Variants in MSRA observed in about 807,000 individuals in gnomAD.
The protein encoded by MSRA is methionine sulfoxide reductase A.
In MSRA, 54 loss-of-function variants were observed where a neutral mutation model predicts 31.3. That is an observed-to-expected ratio of 1.73 (90% CI 1.39 to 2.17). The LOEUF (loss-of-function observed/expected upper bound fraction) is 2.17. Ranked by LOEUF, MSRA falls within the 30% of genes most tolerant of loss-of-function variation. The pLI is 0.00. For synonymous variants in MSRA, 169 were observed against 116.5 expected (o/e 1.45, Z -2.90); for missense variants, 507 against 300.9 (o/e 1.69, Z -5.07).
At chr8:10,304,818 A>G (rs775200957) in intron 4 of MSRA, among the ~76,000 whole-genome samples, 1 of 152,222 alleles carries the variant, frequency 6.6e-6, no homozygotes, top group Non-Finnish European at 1.5e-5. Flanking sequence ...GAAAATGGAC[A>G]TTTTGAAAGA....
At chr8:10,350,571 A>C (rs1804065613) in intron 5 of MSRA, among the ~76,000 whole-genome samples, 2 of 152,230 alleles carry the variant, frequency 1.3e-5, no homozygotes, top group Admixed American at 1.3e-4. Flanking sequence ...ACCGAATTGG[A>C]ACTCACTGGT....
At chr8:10,373,786 G>C (rs1176685471) in intron 5 of MSRA, among the ~76,000 whole-genome samples, 2 of 152,264 alleles carry the variant, frequency 1.3e-5, no homozygotes, top group Non-Finnish European at 2.9e-5. Flanking sequence ...CCGCACTTTG[G>C]AGCCCAGCAG....
In MSRA at chr8:10,163,175, C is replaced by G. The variant is rs537713821; in HGVS notation, c.143-44658C>G. Among the ~76,000 whole-genome samples the G allele has an allele frequency of 3.5e-4, 53 of 152,278 alleles. No homozygotes were observed. In the East Asian group the frequency reaches 9.5e-3, roughly 27 times the overall value. ...AGCCTGACCATGCTGGCACCTTGAT[C>G]TTGGACTTCCAGCCTCAGAACCATG... On this transcript the variant is annotated intron_variant, in intron 1 of 5. Transcript: ENST00000317173.
chr8:10,299,742 A>T (rs1465219146), intron 3 of MSRA, among the ~76,000 whole-genome samples: 1 of 152,202 alleles, frequency 6.6e-6, no homozygotes, highest in Non-Finnish European at 1.5e-5. Context: ...AAATGTTGTA[A>T]TGGTGACTGA....
intron 5 of MSRA, among the ~76,000 whole-genome samples, chr8:10,391,039 A>T (rs915510378): frequency 3.3e-5 from 5 of 152,032 alleles, no homozygotes; most frequent in African/African-American, 1.2e-4. Flanking sequence ...AAACCTACCT[A>T]TTCTCAAATG....
intron 3 of MSRA, among the ~76,000 whole-genome samples, chr8:10,264,748 G>C (rs957215472): frequency 2.0e-5 from 3 of 152,324 alleles, no homozygotes; most frequent in African/African-American, 7.2e-5. Flanking sequence ...CTTGATGAAT[G>C]GGCGAGGGAG....
At chr8:10,123,539 A>C (rs1040739464) in intron 1 of MSRA, among the ~76,000 whole-genome samples, 1 of 151,858 alleles carries the variant, frequency 6.6e-6, no homozygotes, top group African/African-American at 2.4e-5. Flanking sequence ...CCATTTGTCA[A>C]TTTTTTTCTT....
At chr8:10,347,917 C>T (rs1803885908) in intron 5 of MSRA, among the ~76,000 whole-genome samples, 1 of 152,218 alleles carries the variant, frequency 6.6e-6, no homozygotes, top group African/African-American at 2.4e-5. Context: ...CTACGCTGTG[C>T]TGTAGTGATC....
chr8:10,081,690 A>G (rs77433974), intron 1 of MSRA, among the ~76,000 whole-genome samples: 3 of 152,104 alleles, frequency 2.0e-5, no homozygotes, highest in Non-Finnish European at 4.4e-5. Flanking sequence ...GGGTTTCACC[A>G]TATTGGCCAG....
chr8:10,152,541 G>C (rs987481661), intron 1 of MSRA, among the ~76,000 whole-genome samples: 1 of 152,142 alleles, frequency 6.6e-6, no homozygotes, highest in Admixed American at 6.5e-5. Flanking sequence ...AGCTAAATCA[G>C]GTCTTGGGTA....
chr8:10,309,393 G>T (rs1033485041), intron 4 of MSRA, among the ~76,000 whole-genome samples: 1 of 152,226 alleles, frequency 6.6e-6, no homozygotes, highest in Admixed American at 6.5e-5. Context: ...CATGCCGCCT[G>T]TGGAAGGGCC....
At chr8:10,252,115 T>C (rs6988826) in intron 3 of MSRA, among the ~76,000 whole-genome samples, 38,893 of 152,204 alleles carry the variant, frequency 0.26, 6,000 homozygotes, top group Non-Finnish European at 0.36. Flanking sequence ...TGAAAAGTTA[T>C]TAAGAATGTT....
At chr8:10,185,334 C>G (rs571334788) in intron 1 of MSRA, among the ~76,000 whole-genome samples, 1 of 152,292 alleles carries the variant, frequency 6.6e-6, no homozygotes, top group African/African-American at 2.4e-5. Flanking sequence ...CTGGAAGATG[C>G]TACCAGCTGT....
At chr8:10,301,387 ACT>A (rs370372546) in intron 3 of MSRA, 145 bp from the exon 4 acceptor site, 11 of 614,308 alleles carry the variant, frequency 1.8e-5, no homozygotes, top group Middle Eastern at 3.7e-4. Flanking sequence ...CTTGAGAGAG[ACT>A]CTTAGCTAAA....
intron 4 of MSRA, among the ~76,000 whole-genome samples, chr8:10,316,421 G>T (rs1359846858): frequency 6.6e-6 from 1 of 151,990 alleles, no homozygotes; most frequent in African/African-American, 2.4e-5. Flanking sequence ...AGGGATATGG[G>T]TTTACTAATA....
intron 4 of MSRA, among the ~76,000 whole-genome samples, chr8:10,310,592 A>T (rs1801381960): frequency 1.3e-5 from 2 of 152,212 alleles, no homozygotes; most frequent in Non-Finnish European, 2.9e-5. Flanking sequence ...GCGCAATGCT[A>T]AGTGCTCATG....
chr8:10,373,516 C>T lies in MSRA; in HGVS notation c.543+53527C>T, dbSNP rs143740494. On this transcript the variant is annotated intron_variant, in intron 5 of 5. Coordinates refer to ENST00000317173, the MANE Select transcript of MSRA (RefSeq NM_012331.5). Reference sequence around the variant, plus strand: ...CCTCCGAAAGTGCTGGGATGACAGGCATGAGCTACCTTGCCCAGCTACTGA... The same window carrying T: ...CCTCCGAAAGTGCTGGGATGACAGGTATGAGCTACCTTGCCCAGCTACTGA... 8.5e-5 allele frequency among the ~76,000 whole-genome samples: 13 copies of T among 152,384 alleles called. No homozygotes were observed. In the East Asian group the frequency reaches 1.4e-3, roughly 16 times the overall value.
chr8:10,413,252 A>C (rs934200886), intron 5 of MSRA, among the ~76,000 whole-genome samples: 1 of 152,224 alleles, frequency 6.6e-6, no homozygotes, highest in Non-Finnish European at 1.5e-5. Flanking sequence ...AGCCCTCAGC[A>C]AAGGTAGGAG....
chr8:10,135,847 G>A (rs1199926894), intron 1 of MSRA, among the ~76,000 whole-genome samples: 1 of 152,188 alleles, frequency 6.6e-6, no homozygotes, highest in Non-Finnish European at 1.5e-5. Flanking sequence ...CAGGCCTACA[G>A]ACACGTGGGT....
Sources: allele counts gnomAD v4.1 joint callset (sites outside exome capture counted in the v4.1 genomes callset), GRCh38; gene constraint gnomAD v4.1.1; transcripts MANE v1.5; gene names NCBI Gene and HGNC (gene_info 2026-07-23, HGNC 2026-07-21).